The following SCFD2 variants were observed in gnomAD, a reference collection of about 807,000 sequenced individuals.
SCFD2 encodes the protein sec1 family domain containing 2, also known as sec1 family domain-containing protein 2.
In SCFD2, 54 loss-of-function variants were observed where a neutral mutation model predicts 58.9. The ratio of observed to expected loss-of-function variants is 0.92; its 90% confidence interval spans 0.74 to 1.15. SCFD2 has a LOEUF of 1.15. Among genes scored for constraint, SCFD2 ranks in the 50% most tolerant of loss-of-function variants. The pLI is 0.00. For missense variants in SCFD2, 805 were observed against 836.6 expected, an observed-to-expected ratio of 0.96 and a Z score of 0.47; for synonymous variants, 321 against 335.9, an observed-to-expected ratio of 0.96 and a Z score of 0.49.
Position 53,012,196 on chromosome 4 carries a change from T to C in SCFD2, c.1562-91326A>G, listed in dbSNP as rs114633920. Among the ~76,000 whole-genome samples the C allele has an allele frequency of 4.0e-3, 603 of 152,142 alleles. 4 individuals carry two copies. The highest frequency in any genetic ancestry group is 0.014 in the African/African-American group (564 of 41,518). On this transcript the variant is annotated intron_variant, in intron 5 of 8. Coordinates refer to ENST00000401642, the MANE Select transcript of SCFD2 (RefSeq NM_152540.4). ...ATCAACAATGAGAAAAGCCCAGCCG[T>C]GTTATAATGACTCACCCCTTGACAA...
chr4:52,904,183 A>G (rs190821537), intron 7 of SCFD2, among the ~76,000 whole-genome samples: 2 of 152,284 alleles, frequency 1.3e-5, no homozygotes, highest in East Asian at 1.9e-4. Context: ...GAAACCATCT[A>G]TGAGTTCAGG....
intron 5 of SCFD2, among the ~76,000 whole-genome samples, chr4:52,942,290 T>G (rs1013471836): frequency 1.3e-5 from 2 of 150,312 alleles, no homozygotes; most frequent in Admixed American, 6.6e-5. Flanking sequence ...AGGGGGAGAG[T>G]GGGTTGTGGG....
intron 5 of SCFD2, among the ~76,000 whole-genome samples, chr4:52,990,223 T>C (rs1450497406): frequency 1.3e-5 from 2 of 152,230 alleles, no homozygotes; most frequent in African/African-American, 4.8e-5. Context: ...GCTGTTTTCT[T>C]ACATTTAATA....
At chr4:53,188,507 A>G (rs1378038165) in intron 4 of SCFD2, among the ~76,000 whole-genome samples, 1 of 151,344 alleles carries the variant, frequency 6.6e-6, no homozygotes, top group East Asian at 2.0e-4. Context: ...GAAAGGGCCA[A>G]CTTCATAAGG....
intron 4 of SCFD2, among the ~76,000 whole-genome samples, chr4:53,170,376 C>T (rs577725331): frequency 3.3e-5 from 5 of 152,226 alleles, no homozygotes; most frequent in South Asian, 2.1e-4. Context: ...TTCTCTATTT[C>T]GTTTCAACCA....
intron 5 of SCFD2, among the ~76,000 whole-genome samples, chr4:53,050,475 A>T (rs1304192059): frequency 6.6e-6 from 1 of 152,234 alleles, no homozygotes; most frequent in East Asian, 1.9e-4. Context: ...CTAGTTCAAT[A>T]AAACAGATAA....
intron 1 of SCFD2, among the ~76,000 whole-genome samples, chr4:53,355,123 T>C (rs1487672400): frequency 2.6e-5 from 4 of 152,216 alleles, no homozygotes; most frequent in African/African-American, 7.2e-5. Context: ...TTAAGTCTTA[T>C]ATGGAATAAA....
chr4:53,058,547 A>G (rs1439245875), intron 5 of SCFD2, among the ~76,000 whole-genome samples: 2 of 152,294 alleles, frequency 1.3e-5, no homozygotes, highest in East Asian at 1.9e-4. Context: ...TTCTAGGCCA[A>G]TCCCTGTGCA....
chr4:52,932,335 C>G (rs1402654164), intron 5 of SCFD2, among the ~76,000 whole-genome samples: 1 of 152,162 alleles, frequency 6.6e-6, no homozygotes, highest in Non-Finnish European at 1.5e-5. Flanking sequence ...AGCTAATTGT[C>G]CATTTGTAGA....
At chr4:53,140,315 T>C (rs1203750239) in intron 5 of SCFD2, among the ~76,000 whole-genome samples, 9 of 146,854 alleles carry the variant, frequency 6.1e-5, no homozygotes, top group Non-Finnish European at 1.3e-4. Flanking sequence ...TTTTACACTT[T>C]GATCTTTAAT....
intron 5 of SCFD2, among the ~76,000 whole-genome samples, chr4:53,117,128 C>T (rs1725346717): frequency 6.6e-6 from 1 of 152,120 alleles, no homozygotes; most frequent in Non-Finnish European, 1.5e-5. Flanking sequence ...ACCATGGAAA[C>T]TTGAGGGAAT....
intron 3 of SCFD2, among the ~76,000 whole-genome samples, chr4:53,283,178 T>C (rs190318795): frequency 9.2e-5 from 14 of 152,352 alleles, no homozygotes; most frequent in Admixed American, 2.0e-4. Flanking sequence ...ACCCAGTCGA[T>C]AGTCTCCTCC....
intron 5 of SCFD2, chr4:52,949,126 A>G (rs1189435101): frequency 6.6e-6 from 1 of 152,276 alleles, no homozygotes; most frequent in Non-Finnish European, 1.5e-5. Flanking sequence ...GTTCTATAGG[A>G]CACTCAAATA....
chr4:52,903,546 C>T (rs1247337398), intron 7 of SCFD2, among the ~76,000 whole-genome samples: 1 of 152,132 alleles, frequency 6.6e-6, no homozygotes, highest in African/African-American at 2.4e-5. Flanking sequence ...AACCACTCTC[C>T]CAACTTTTGG....
intron 5 of SCFD2, among the ~76,000 whole-genome samples, chr4:53,005,508 T>C (rs1384695): frequency 0.87 from 131,654 of 152,152 alleles, 57,124 homozygotes; most frequent in Middle Eastern, 0.96. Context: ...ATACATTAAA[T>C]TAAAGAGACA....
intron 4 of SCFD2, among the ~76,000 whole-genome samples, chr4:53,228,727 C>A (rs1729315425): frequency 6.6e-6 from 1 of 152,148 alleles, no homozygotes; most frequent in African/African-American, 2.4e-5. Flanking sequence ...GGGATGCCCT[C>A]TCTCACCACT....
rs1379932994 is a variant in SCFD2, at chr4:53,328,869, C to T, written c.1008-15106G>A. On this transcript the variant is annotated intron_variant, in intron 2 of 8. Coordinates refer to ENST00000401642, the MANE Select transcript of SCFD2 (RefSeq NM_152540.4). Reference sequence around the variant, plus strand: ...TCACTAGGGAGTGCCAGACAGTGGGCGCAGGTCAGTGGGTGCGCGCACCAT... The same window carrying T: ...TCACTAGGGAGTGCCAGACAGTGGGTGCAGGTCAGTGGGTGCGCGCACCAT... 2.6e-5 allele frequency among the ~76,000 whole-genome samples: 4 copies of T among 152,100 alleles called. No homozygotes were observed. The South Asian group carries it at 6.2e-4, about 24-fold the overall frequency.
chr4:53,225,123 G>T (rs1035069953), intron 4 of SCFD2, among the ~76,000 whole-genome samples: 1 of 151,962 alleles, frequency 6.6e-6, no homozygotes, highest in South Asian at 2.1e-4. Context: ...CACCATATTT[G>T]ATTATATTCT....
At chr4:52,886,837 A>C (rs1389120584) in intron 7 of SCFD2, among the ~76,000 whole-genome samples, 1 of 152,244 alleles carries the variant, frequency 6.6e-6, no homozygotes, top group African/African-American at 2.4e-5. Flanking sequence ...AAGTTAAAGG[A>C]GCAGGAGCTA....
Sources: allele counts gnomAD v4.1 joint callset (sites outside exome capture counted in the v4.1 genomes callset), GRCh38; gene constraint gnomAD v4.1.1; transcripts MANE v1.5; gene names NCBI Gene and HGNC (gene_info 2026-07-23, HGNC 2026-07-21).